SLC24A2: variants seen among roughly 807,000 people sequenced by gnomAD.
SLC24A2 encodes solute carrier family 24 member 2, also known as sodium/potassium/calcium exchanger 2.
In SLC24A2, 36 loss-of-function variants were observed where a neutral mutation model predicts 62.0. The observed-to-expected ratio is 0.58, with a 90% CI of 0.44 to 0.77. The LOEUF (loss-of-function observed/expected upper bound fraction) is 0.77. Ranked by LOEUF, SLC24A2 falls within the 30% of genes least tolerant of loss-of-function variation. The pLI is 0.00. For missense variants in SLC24A2, 846 were observed against 817.9 expected (o/e 1.03, Z -0.42); for synonymous variants, 358 against 294.0 (o/e 1.22, Z -2.23).
chr9:20,094,938 T>C, the SLC24A2 span, among the ~76,000 whole-genome samples: 1 of 152,190 alleles, frequency 6.6e-6, no homozygotes, highest in African/African-American at 2.4e-5. Context: ...TTTTCAAGTT[T>C]GGGTGTAGTA....
At chr9:19,666,484 A>C (rs1002905763) in intron 2 of SLC24A2, among the ~76,000 whole-genome samples, 2 of 152,176 alleles carry the variant, frequency 1.3e-5, no homozygotes, top group Admixed American at 6.5e-5. Flanking sequence ...AAGTGTAGGG[A>C]AACTGTGGAA....
intron 2 of SLC24A2, among the ~76,000 whole-genome samples, chr9:19,772,471 T>C (rs1265844893): frequency 6.6e-6 from 1 of 152,180 alleles, no homozygotes; most frequent in African/African-American, 2.4e-5. Flanking sequence ...GCAAACCATA[T>C]ATCTGATAAG....
intron 2 of SLC24A2, among the ~76,000 whole-genome samples, chr9:19,759,297 C>T (rs187650416): frequency 6.6e-6 from 1 of 152,260 alleles, no homozygotes; most frequent in East Asian, 1.9e-4. Context: ...GTGTCCAGCC[C>T]ATCAACAGAT....
chr9:19,655,421 G>T (rs1319695175), intron 2 of SLC24A2, among the ~76,000 whole-genome samples: 1 of 152,164 alleles, frequency 6.6e-6, no homozygotes, highest in Non-Finnish European at 1.5e-5. Context: ...CTTCACAAGA[G>T]CAAAAAATAT....
chr9:19,721,154 G>A (rs1821014862), intron 2 of SLC24A2, among the ~76,000 whole-genome samples: 1 of 152,002 alleles, frequency 6.6e-6, no homozygotes, highest in Admixed American at 6.6e-5. Context: ...AAACTAAAAA[G>A]AAAGAAAGAA....
chr9:19,799,466 G>T, the SLC24A2 span, among the ~76,000 whole-genome samples: 1 of 152,098 alleles, frequency 6.6e-6, no homozygotes, highest in East Asian at 1.9e-4. Context: ...TTTTACTGTG[G>T]TAAGTTCTCT....
chr9:20,139,663 A>T, the SLC24A2 span, among the ~76,000 whole-genome samples: 21 of 152,224 alleles, frequency 1.4e-4, no homozygotes, highest in African/African-American at 4.8e-4. Flanking sequence ...TCCCATAAAA[A>T]TATAGACCCA....
intron 8 of SLC24A2, among the ~76,000 whole-genome samples, chr9:19,531,264 C>A (rs3780218): frequency 6.6e-6 from 1 of 151,990 alleles, no homozygotes; most frequent in Admixed American, 6.6e-5. Flanking sequence ...ATTCCCCTTA[C>A]TTGGACAGCA....
Position 19,640,695 on chromosome 9 carries a change from A to C in SLC24A2, c.931-18396T>G, listed in dbSNP as rs142144473. Among the ~76,000 whole-genome samples, 115 of 152,372 alleles carry C rather than the reference A, an allele frequency of 7.5e-4. 2 individuals carry two copies. Among genetic ancestry groups the C allele is most frequent in the African/African-American group, 2.7e-3 (111 of 41,588 alleles). On this transcript the variant is annotated intron_variant, in intron 2 of 10. Coordinates refer to ENST00000341998, the MANE Select transcript of SLC24A2 (RefSeq NM_020344.4). ...TAAGTAAAGACAGCTCTTACCTTGC[A>C]CTTGAATCTTCCCTACTCATCTTAC... is the stretch of plus-strand genomic sequence containing the variant.
At chr9:20,019,993 G>C in the SLC24A2 span, among the ~76,000 whole-genome samples, 1 of 152,024 alleles carries the variant, frequency 6.6e-6, no homozygotes, top group African/African-American at 2.4e-5. Flanking sequence ...CTGGTCATTA[G>C]AGAAATGCAA....
chr9:19,943,846 G>C, the SLC24A2 span, among the ~76,000 whole-genome samples: 1 of 152,140 alleles, frequency 6.6e-6, no homozygotes, highest in Non-Finnish European at 1.5e-5. Context: ...CAAAAATGTG[G>C]TTAATATTCT....
chr9:19,874,313 T>C, the SLC24A2 span, among the ~76,000 whole-genome samples: 1 of 152,114 alleles, frequency 6.6e-6, no homozygotes, highest in South Asian at 2.1e-4. Context: ...ATCAATATAA[T>C]TCATTGCTCT....
chr9:19,541,492 G>A (rs1294065755), intron 8 of SLC24A2, among the ~76,000 whole-genome samples: 1 of 149,778 alleles, frequency 6.7e-6, no homozygotes, highest in East Asian at 2.0e-4. Context: ...GCCCCTGCTG[G>A]GGGGTGCCTC....
the SLC24A2 span, among the ~76,000 whole-genome samples, chr9:20,300,767 G>T: frequency 6.6e-6 from 1 of 152,142 alleles, no homozygotes; most frequent in South Asian, 2.1e-4. Context: ...CTTCACAGAG[G>T]TCTGGAACTT....
the SLC24A2 span, among the ~76,000 whole-genome samples, chr9:20,080,547 CA>C: frequency 6.6e-6 from 1 of 152,034 alleles, no homozygotes; most frequent in Non-Finnish European, 1.5e-5. Context: ...TAGGCAATAC[CA>C]TTCAGGACAT....
At chr9:20,225,709 A>G in the SLC24A2 span, among the ~76,000 whole-genome samples, 1 of 150,044 alleles carries the variant, frequency 6.7e-6, no homozygotes, top group Non-Finnish European at 1.5e-5. Context: ...GACAATAAAA[A>G]ATATGTAAGT....
the SLC24A2 span, among the ~76,000 whole-genome samples, chr9:19,834,343 T>G: frequency 6.6e-6 from 1 of 151,936 alleles, no homozygotes; most frequent in African/African-American, 2.4e-5. Context: ...ATTAGACGAA[T>G]GGATAACTAG....
chr9:19,971,737 C>T, the SLC24A2 span, among the ~76,000 whole-genome samples: 6 of 152,112 alleles, frequency 3.9e-5, no homozygotes, highest in Admixed American at 2.0e-4. Context: ...GAAGGACCCA[C>T]GAGGTTCCAT....
chr9:20,306,092 C>T, the SLC24A2 span, among the ~76,000 whole-genome samples: 1 of 152,094 alleles, frequency 6.6e-6, no homozygotes, highest in Non-Finnish European at 1.5e-5. Flanking sequence ...TTCTGAGGTA[C>T]TAGGGGTTAA....
Sources: allele counts gnomAD v4.1 joint callset (sites outside exome capture counted in the v4.1 genomes callset), GRCh38; gene constraint gnomAD v4.1.1; transcripts MANE v1.5; gene names NCBI Gene and HGNC (gene_info 2026-07-23, HGNC 2026-07-21).